PEX19: variants seen among roughly 807,000 people sequenced by gnomAD.
PEX19 encodes 33 kDa housekeeping protein.
PEX19 carries 29 observed loss-of-function variants against 36.3 expected under a neutral mutation model. The ratio of observed to expected loss-of-function variants is 0.80; its 90% confidence interval spans 0.60 to 1.09. PEX19 has a LOEUF of 1.09. Ranked by LOEUF, PEX19 falls within the 50% of genes least tolerant of loss-of-function variation. PEX19 has a pLI of 0.00. For synonymous variants in PEX19, 141 were observed against 135.2 expected, an observed-to-expected ratio of 1.04 and a Z score of -0.30; for missense variants, 396 against 368.1, an observed-to-expected ratio of 1.08 and a Z score of -0.62.
chr1:160,282,510 A>G lies in PEX19; in HGVS notation c.347-8T>C, dbSNP rs2101803453. 6.2e-7 allele frequency: 1 copy of G among 1,607,744 alleles called. No individual in the cohort carries two copies. The highest frequency in any genetic ancestry group is 8.5e-7 in the Non-Finnish European group (1 of 1,174,232). ...GGGAGGTCATATCACTGCCTAGGAG[A>G]GATTAAAAAAGCCAGCGTCATTTAG... is the stretch of plus-strand genomic sequence containing the variant. On this transcript the variant is annotated splice_region_variant and splice_polypyrimidine_tract_variant and intron_variant, in intron 3 of 7. Transcript: ENST00000368072.
chr1:160,282,480 T>C lies in PEX19; in HGVS notation c.369A>G (p.Gln123=), dbSNP rs749676675. Residue 123 remains glutamine, a synonymous_variant, in exon 4 of 8, where the codon CAA becomes CAG. Transcript: ENST00000368072. ...TTTCCTTTAGGCAAGAAGTGAATTCTTGTTGGGAGGTCATATCACTGCCTA... is the reference window on the plus strand; with the variant it reads ...TTTCCTTTAGGCAAGAAGTGAATTCCTGTTGGGAGGTCATATCACTGCCTA... ...GRVGSDMTSQ[Q]EFTSCLKETL... 1.2e-6 allele frequency: 2 copies of C among 1,614,092 alleles called. No individual in the cohort carries two copies. The highest frequency in any genetic ancestry group is 2.2e-5 in the East Asian group (1 of 44,884).
rs762562263 is a variant in PEX19 at position 160,277,833 on chromosome 1, C to T, written c.*1718G>A. ...GCCCCATGACTATATCACAAGTATA[C>T]CTGTATTTTTTCCATCTCTGGCAGA... On this transcript the variant is annotated 3_prime_UTR_variant, in exon 8 of 8. Coordinates refer to ENST00000368072, the MANE Select transcript of PEX19 (RefSeq NM_002857.4). 1 of 574,658 alleles carries T rather than the reference C, an allele frequency of 1.7e-6. No homozygotes were observed. Among genetic ancestry groups the T allele is most frequent in the South Asian group, 1.5e-5 (1 of 65,604 alleles). 35.6% of individuals were successfully genotyped at this position (574,658 alleles called of 1,614,324 possible).
rs1387165635 is a variant in PEX19, at chr1:160,278,187, G to A, written c.*1364C>T. ...CTGGGAGCCACAGAAAAAAAGCCAC[G>A]TCAGCTTAAAGAAAAATAATTTAGA... On this transcript the variant is annotated 3_prime_UTR_variant, in exon 8 of 8. Coordinates refer to ENST00000368072, the MANE Select transcript of PEX19 (RefSeq NM_002857.4). 2.4e-5 allele frequency: 17 copies of A among 702,318 alleles called. No individual in the cohort carries two copies. Among genetic ancestry groups the A allele is most frequent in the East Asian group, 8.0e-5 (3 of 37,300 alleles). 43.5% of individuals were successfully genotyped at this position (702,318 alleles called of 1,614,324 possible).
Position 160,277,068 on chromosome 1 carries a change from G to A in PEX19, c.*2483C>T, listed in dbSNP as rs750419619. ...TTGCTGAAGAACAAGTTCTCTGGAA[G>A]TGAAACTCAAATAGGAGAGAACAAG... On this transcript the variant is annotated 3_prime_UTR_variant, in exon 8 of 8. Transcript: ENST00000368072. 1.9e-4 allele frequency: 85 copies of A among 454,010 alleles called. No homozygotes were observed. The highest frequency in any genetic ancestry group is 3.0e-4 in the Non-Finnish European group (68 of 226,810). The allele number at this position is 454,010 out of a possible 1,614,324, so 28.1% of individuals were successfully genotyped here. A position where few individuals can be genotyped will look rare whatever the true frequency, so the allele number is the denominator to read the frequency against.
Position 160,279,384 on chromosome 1 carries a change from G to C in PEX19, c.*167C>G. On this transcript the variant is annotated 3_prime_UTR_variant, in exon 8 of 8. Transcript: ENST00000368072. ...CTGTGAAACAGACCCTATTCCTAGA[G>C]AGACAGAGGAAAAACCTCAGCTGGT... 1 of 712,928 alleles carries C rather than the reference G, an allele frequency of 1.4e-6. No homozygotes were observed. The highest frequency in any genetic ancestry group is 2.6e-6 in the Non-Finnish European group (1 of 391,928). The allele number at this position is 712,928 out of a possible 1,614,324, so 44.2% of individuals were successfully genotyped here. A position where few individuals can be genotyped will look rare whatever the true frequency, so the allele number is the denominator to read the frequency against.
chr1:160,283,992 G>T, intron 1 of PEX19: 1 of 440,572 alleles, frequency 2.3e-6, no homozygotes, highest in Non-Finnish European at 4.6e-6. Flanking sequence ...ATACCCAACA[G>T]TAGTAGAGAA....
chr1:160,277,828 G>A lies in PEX19; in HGVS notation c.*1723C>T, dbSNP rs1164025241. On this transcript the variant is annotated 3_prime_UTR_variant, in exon 8 of 8. Transcript: ENST00000368072. ...CTGAAGCCCCATGACTATATCACAA[G>A]TATACCTGTATTTTTTCCATCTCTG... 1.8e-6 allele frequency: 1 copy of A among 564,570 alleles called. No individual in the cohort carries two copies. Among genetic ancestry groups the A allele is most frequent in the Admixed American group, 2.2e-5 (1 of 45,968 alleles). 35.0% of individuals were successfully genotyped at this position (564,570 alleles called of 1,614,324 possible). A position where few individuals can be genotyped will look rare whatever the true frequency, so the allele number is the denominator to read the frequency against.
intron 7 of PEX19, 61 bp downstream of exon 7, chr1:160,279,740 G>A: frequency 1.3e-6 from 2 of 1,556,482 alleles, no homozygotes; most frequent in Non-Finnish European, 8.9e-7. Flanking sequence ...ATCCTGAGAG[G>A]TTAAAGAATT....
chr1:160,283,765 CCTT>C, intron 1 of PEX19, 126 bp from the exon 2 acceptor site: 3 of 760,220 alleles, frequency 3.9e-6, no homozygotes, highest in Non-Finnish European at 6.9e-6. Context: ...CAATTTTCCT[CCTT>C]GAGTCCCCCA....
At chr1:160,283,689 A>C in intron 1 of PEX19, 50 bp from the exon 2 acceptor site, 1 of 1,398,944 alleles carries the variant, frequency 7.1e-7, no homozygotes, top group Non-Finnish European at 1.0e-6. Flanking sequence ...ATGAGAATGC[A>C]AGCAAGGCTG....
Position 160,283,514 on chromosome 1 carries a change from G to C in PEX19, c.180+16C>G. 1 of 1,571,602 alleles carries C rather than the reference G, an allele frequency of 6.4e-7. No homozygotes were observed. The highest frequency in any genetic ancestry group is 2.2e-5 in the East Asian group (1 of 44,636). ...GCCCATCCCCTCCCCATCCCTTAAG[G>C]GGGTGGAATTTATACTTTGGCAGTG... On this transcript the variant is annotated intron_variant, in intron 2 of 7. Coordinates refer to ENST00000368072, the MANE Select transcript of PEX19 (RefSeq NM_002857.4).
intron 5 of PEX19, 68 bp downstream of exon 5, chr1:160,281,971 C>A (rs774276101): frequency 7.2e-7 from 1 of 1,386,630 alleles, no homozygotes; most frequent in Admixed American, 1.7e-5. Context: ...TCTGAGTAGA[C>A]AAAATAGCCC....
intron 1 of PEX19, chr1:160,283,999 A>G (rs1657894101): frequency 2.2e-6 from 1 of 445,732 alleles, no homozygotes; most frequent in Admixed American, 2.6e-5. Context: ...ACAGTAGTAG[A>G]GAACACAGAT....
chr1:160,279,917 T>G, intron 6 of PEX19, 72 bp from the exon 7 acceptor site: 115 of 1,257,540 alleles, frequency 9.1e-5, no homozygotes, highest in Non-Finnish European at 1.2e-4. Flanking sequence ...AGAAGAGGAA[T>G]CTAATGAATG....
rs1402150564 is a variant in PEX19 at position 160,277,943 on chromosome 1, T to C, written c.*1608A>G. ...GGAATTTCCCAAATAGCCTGAGACC[T>C]TGAGAACATTTCCTTCCTCACCAAT... is the stretch of plus-strand genomic sequence containing the variant. On this transcript the variant is annotated 3_prime_UTR_variant, in exon 8 of 8. Coordinates refer to ENST00000368072, the MANE Select transcript of PEX19 (RefSeq NM_002857.4). 2 of 692,800 alleles carry C rather than the reference T, an allele frequency of 2.9e-6. No individual in the cohort carries two copies. Among genetic ancestry groups the C allele is most frequent in the Non-Finnish European group, 2.6e-6 (1 of 380,440 alleles). 42.9% of individuals were successfully genotyped at this position (692,800 alleles called of 1,614,324 possible).
chr1:160,278,340 T>C lies in PEX19; in HGVS notation c.*1211A>G, dbSNP rs1042614356. ...AGGAAAGATGGCCATCCAGTCTCCT[T>C]TGCCAACTGAGGTGCAGACTGAGTT... On this transcript the variant is annotated 3_prime_UTR_variant, in exon 8 of 8. Coordinates refer to ENST00000368072, the MANE Select transcript of PEX19 (RefSeq NM_002857.4). 2.6e-5 allele frequency: 18 copies of C among 688,484 alleles called. No homozygotes were observed. In the African/African-American group the frequency reaches 3.0e-4, roughly 11 times the overall value. The allele number at this position is 688,484 out of a possible 1,614,324, so 42.6% of individuals were successfully genotyped here.
Position 160,279,649 on chromosome 1 carries a change from A to C in PEX19, c.817-15T>G, listed in dbSNP as rs776972887. Reference sequence around the variant, plus strand: ...AGGCCAGGAGGCTGGGGAAGAGATGAAGGGACTCAGATAGTTGCTCATTTT... The same window carrying C: ...AGGCCAGGAGGCTGGGGAAGAGATGCAGGGACTCAGATAGTTGCTCATTTT... On this transcript the variant is annotated splice_polypyrimidine_tract_variant and intron_variant, in intron 7 of 7. Coordinates refer to ENST00000368072, the MANE Select transcript of PEX19 (RefSeq NM_002857.4). 1.2e-6 allele frequency: 2 copies of C among 1,608,840 alleles called. No homozygotes were observed. The highest frequency in any genetic ancestry group is 1.7e-6 in the Non-Finnish European group (2 of 1,175,242).
At chr1:160,281,551 G>A (rs1001362856) in intron 5 of PEX19, among the ~76,000 whole-genome samples, 7 of 152,150 alleles carry the variant, frequency 4.6e-5, no homozygotes, top group East Asian at 1.9e-4. Context: ...GATCACAGGC[G>A]TGAGCCACTA....
Position 160,278,015 on chromosome 1 carries a change from G to A in PEX19, c.*1536C>T, listed in dbSNP as rs944634076. On this transcript the variant is annotated 3_prime_UTR_variant, in exon 8 of 8. Transcript: ENST00000368072. ...TCAAGGGGTGAAAAGTTTTAACCTC[G>A]GGGCAAGTGACATGTCAGAAGCTCA... 1.6e-5 allele frequency: 11 copies of A among 699,854 alleles called. No homozygotes were observed. The highest frequency in any genetic ancestry group is 2.3e-5 in the Non-Finnish European group (9 of 383,552). The allele number at this position is 699,854 out of a possible 1,614,324, so 43.4% of individuals were successfully genotyped here. A position where few individuals can be genotyped will look rare whatever the true frequency, so the allele number is the denominator to read the frequency against.
Sources: gnomAD v4.1 joint callset for allele counts (sites outside exome capture counted in the v4.1 genomes callset) on GRCh38, gnomAD v4.1.1 for gene constraint, MANE v1.5 for transcripts, NCBI Gene and HGNC (gene_info 2026-07-23, HGNC 2026-07-21) for gene names.